ITGA8: variants seen among roughly 807,000 people sequenced by gnomAD.
ITGA8 encodes the protein integrin subunit alpha 8.
Under a neutral mutation model 142.3 loss-of-function variants are expected in ITGA8, and 91 were observed. The observed-to-expected ratio is 0.64, with a 90% CI of 0.54 to 0.76. The LOEUF (loss-of-function observed/expected upper bound fraction) is 0.76, where lower values mean the gene tolerates loss of function less well. Among genes scored for constraint, ITGA8 ranks in the 30% least tolerant of loss-of-function variants. ITGA8 has a pLI of 0.00. For missense variants in ITGA8, 1,406 were observed against 1,327.7 expected (o/e 1.06, Z -0.92); for synonymous variants, 505 against 485.2 (o/e 1.04, Z -0.54).
intron 19 of ITGA8, among the ~76,000 whole-genome samples, chr10:15,604,578 CAAAAAAAAAA>C (rs35672275): frequency 4.6e-5 from 4 of 86,368 alleles, no homozygotes; most frequent in Non-Finnish European, 2.3e-5. Flanking sequence ...AACCAGTTCT[CAAAAAAAAAA>C]AAAAAAAAAA....
Position 15,535,639 on chromosome 10 carries a change from G to A in ITGA8, c.2881-4488C>T, listed in dbSNP as rs563475113. ...TAGTGGAGACGTGGAGAACCTTTGT[G>A]ACTAGCTCAGGGATTGTAAACGCAC... On this transcript the variant is annotated intron_variant, in intron 27 of 29. Coordinates refer to ENST00000378076, the MANE Select transcript of ITGA8 (RefSeq NM_003638.3). 4.3e-4 allele frequency among the ~76,000 whole-genome samples: 65 copies of A among 152,142 alleles called. 1 individual carries two copies. The South Asian group carries it at 0.013, about 31-fold the overall frequency.
At chr10:15,671,931 C>T (rs896153175) in intron 7 of ITGA8, among the ~76,000 whole-genome samples, 6 of 146,034 alleles carry the variant, frequency 4.1e-5, no homozygotes, top group Non-Finnish European at 9.0e-5. Flanking sequence ...ATTTTAAAAG[C>T]ATGGATACTT....
intron 21 of ITGA8, among the ~76,000 whole-genome samples, chr10:15,593,325 G>T (rs1554775340): frequency 6.6e-6 from 1 of 152,136 alleles, no homozygotes; most frequent in Non-Finnish European, 1.5e-5. Context: ...GTAATATTAT[G>T]TTACTTACTC....
At chr10:15,579,950 T>C (rs1834375196) in intron 23 of ITGA8, among the ~76,000 whole-genome samples, 1 of 149,282 alleles carries the variant, frequency 6.7e-6, no homozygotes, top group African/African-American at 2.5e-5. Flanking sequence ...ACAGAAGAAG[T>C]AGAAATGGGA....
chr10:15,660,001 T>A (rs1464978291), intron 9 of ITGA8, among the ~76,000 whole-genome samples: 1 of 152,242 alleles, frequency 6.6e-6, no homozygotes, highest in African/African-American at 2.4e-5. Context: ...AGTTTGTGAT[T>A]CTATGTTATA....
At chr10:15,652,844 A>G (rs901154387) in intron 11 of ITGA8, among the ~76,000 whole-genome samples, 9 of 152,284 alleles carry the variant, frequency 5.9e-5, no homozygotes, top group African/African-American at 2.2e-4. Context: ...CCCCTGGTGC[A>G]TGGTAGTAGG....
intron 14 of ITGA8, among the ~76,000 whole-genome samples, chr10:15,614,539 T>C (rs535870634): frequency 4.7e-4 from 71 of 152,216 alleles, no homozygotes; most frequent in African/African-American, 1.7e-3. Flanking sequence ...GTAAACTCAA[T>C]TGCAGCCACC....
intron 10 of ITGA8, among the ~76,000 whole-genome samples, chr10:15,658,016 T>C (rs1247797419): frequency 3.3e-5 from 5 of 152,218 alleles, no homozygotes; most frequent in African/African-American, 1.2e-4. Context: ...TTAGTGGCTT[T>C]TGTTTGATCA....
intron 13 of ITGA8, among the ~76,000 whole-genome samples, chr10:15,627,580 A>AG (rs1363559645): frequency 6.6e-6 from 1 of 152,202 alleles, no homozygotes; most frequent in Non-Finnish European, 1.5e-5. Flanking sequence ...AGGACAAAAG[A>AG]GATGAAAGAG....
chr10:15,705,475 G>A (rs1835240818), intron 2 of ITGA8, among the ~76,000 whole-genome samples: 1 of 152,164 alleles, frequency 6.6e-6, no homozygotes, highest in Admixed American at 6.5e-5. Context: ...TCTAAGGCCA[G>A]TCCTTCCACT....
intron 23 of ITGA8, 66 bp from the exon 24 acceptor site, chr10:15,575,660 C>T: frequency 8.1e-7 from 1 of 1,231,148 alleles, no homozygotes; most frequent in Non-Finnish European, 1.2e-6. Flanking sequence ...TACTAGTGGA[C>T]AGTATACTAA....
intron 28 of ITGA8, among the ~76,000 whole-genome samples, chr10:15,521,566 T>C (rs1479585760): frequency 6.6e-6 from 1 of 152,192 alleles, no homozygotes; most frequent in African/African-American, 2.4e-5. Context: ...ATGTGATAGA[T>C]GTTCTTCATG....
chr10:15,621,850 T>C (rs1488753365), intron 13 of ITGA8, among the ~76,000 whole-genome samples: 1 of 151,800 alleles, frequency 6.6e-6, no homozygotes. Context: ...CTGTGAAACA[T>C]AGTGAGACCC....
chr10:15,689,757 GAC>G (rs1398047426), intron 2 of ITGA8, among the ~76,000 whole-genome samples: 4 of 152,216 alleles, frequency 2.6e-5, no homozygotes, highest in African/African-American at 7.2e-5. Flanking sequence ...TCCTCACACA[GAC>G]ACACAGCGTG....
chr10:15,551,422 T>A (rs1833791731), intron 26 of ITGA8, among the ~76,000 whole-genome samples: 1 of 151,882 alleles, frequency 6.6e-6, no homozygotes, highest in Non-Finnish European at 1.5e-5. Flanking sequence ...AATGTGATAG[T>A]TTCAAGAAGT....
At chr10:15,544,817 A>G (rs111638653) in intron 27 of ITGA8, among the ~76,000 whole-genome samples, 1 of 152,172 alleles carries the variant, frequency 6.6e-6, no homozygotes, top group African/African-American at 2.4e-5. Context: ...GTCAGAAAAT[A>G]TGTAAGAGCC....
At chr10:15,549,201 G>GTT (rs67683436) in intron 26 of ITGA8, among the ~76,000 whole-genome samples, 6 of 107,338 alleles carry the variant, frequency 5.6e-5, no homozygotes, top group African/African-American at 2.7e-4. Context: ...TTTCTTTTCT[G>GTT]TTTTTTTTTT....
At chr10:15,641,804 A>C (rs1467487077) in intron 13 of ITGA8, among the ~76,000 whole-genome samples, 1 of 152,214 alleles carries the variant, frequency 6.6e-6, no homozygotes, top group Non-Finnish European at 1.5e-5. Context: ...CCTCAAGTGA[A>C]TATTTCTGAT....
chr10:15,528,895 C>T (rs1273224742), intron 28 of ITGA8, among the ~76,000 whole-genome samples: 2 of 152,058 alleles, frequency 1.3e-5, no homozygotes, highest in African/African-American at 2.4e-5. Context: ...CTTTAAATAC[C>T]ACCGAAGTTT....
Sources: gnomAD v4.1 joint callset for allele counts (sites outside exome capture counted in the v4.1 genomes callset) on GRCh38, gnomAD v4.1.1 for gene constraint, MANE v1.5 for transcripts, NCBI Gene and HGNC (gene_info 2026-07-23, HGNC 2026-07-21) for gene names.